The following JAM3 variants were observed in gnomAD, a reference collection of about 807,000 sequenced individuals.
JAM3 encodes the protein junctional adhesion molecule C.
JAM3 carries 31 observed loss-of-function variants against 39.4 expected under a neutral mutation model. That is an observed-to-expected ratio of 0.79 (90% CI 0.59 to 1.06). JAM3 has a LOEUF of 1.06. JAM3 is among the 50% of genes least tolerant of loss of function. The probability of loss-of-function intolerance (pLI) is 0.00; values close to 1 mark genes in which losing one functional copy is unlikely to be tolerated. For missense variants in JAM3, 455 were observed against 391.4 expected (o/e 1.16, Z -1.37); for synonymous variants, 182 against 148.7 (o/e 1.22, Z -1.63).
intron 1 of JAM3, among the ~76,000 whole-genome samples, chr11:134,105,835 A>C (rs1391890930): frequency 2.0e-5 from 3 of 152,230 alleles, no homozygotes; most frequent in Non-Finnish European, 2.9e-5. Flanking sequence ...ACCACTGCTC[A>C]ACGAAATAAA....
At position 134,145,991 on chromosome 11, in the gene JAM3, A is replaced by T; in HGVS notation, c.658A>T (p.Ile220Phe). 1 of 1,614,180 alleles carries T rather than the reference A, an allele frequency of 6.2e-7. No homozygotes were observed. The highest frequency in any genetic ancestry group is 8.5e-7 in the Non-Finnish European group (1 of 1,179,994). ...HKDDSGQYYC[I>F]ASNDAGSARC... ...GGACGACTCTGGGCAGTACTACTGC[A>T]TTGCTTCCAATGACGCAGGCTCAGC... is the stretch of plus-strand genomic sequence containing the variant. Residue 220 changes from isoleucine to phenylalanine, a missense_variant, in exon 6 of 9, where the codon ATT (isoleucine) becomes TTT (phenylalanine). By Grantham distance (21) the Ile-to-Phe change is conservative. Transcript: ENST00000299106.
At position 134,151,795 on chromosome 11, in the gene JAM3, G is replaced by GTCTCT. The variant is rs1264058614; in HGVS notation, c.*2618_*2622dup. On this transcript the variant is annotated 3_prime_UTR_variant, in exon 9 of 9. Transcript: ENST00000299106. ...TGTTATTTGCTCTTACGTTGGGTTT[G>GTCTCT]TCTCTTCTTCCTAGCATTTCAGTGG... 2 of 152,148 alleles carry GTCTCT rather than the reference G, an allele frequency of 1.3e-5. No homozygotes were observed. The highest frequency in any genetic ancestry group is 4.8e-5 in the African/African-American group (2 of 41,420). The allele number at this position is 152,148 out of a possible 1,614,324, so 9.4% of individuals were successfully genotyped here. A position where few individuals can be genotyped will look rare whatever the true frequency, so the allele number is the denominator to read the frequency against.
In JAM3 at chr11:134,150,548, C is replaced by T. The variant is rs2120413571; in HGVS notation, c.*1367C>T. The T allele has an allele frequency of 6.6e-6, 1 of 152,368 alleles. No homozygotes were observed. The highest frequency in any genetic ancestry group is 3.4e-3 in the Middle Eastern group (1 of 294). 9.4% of individuals were successfully genotyped at this position (152,368 alleles called of 1,614,324 possible). A position where few individuals can be genotyped will look rare whatever the true frequency, so the allele number is the denominator to read the frequency against. ...CTCTCAGGTGGGCACTGCAGGGACA[C>T]TGGTGTCTTCCATGTAGCGTCCCAG... On this transcript the variant is annotated 3_prime_UTR_variant, in exon 9 of 9. Coordinates refer to ENST00000299106, the MANE Select transcript of JAM3 (RefSeq NM_032801.5).
At chr11:134,117,582 C>T (rs1942461348) in intron 1 of JAM3, among the ~76,000 whole-genome samples, 1 of 152,190 alleles carries the variant, frequency 6.6e-6, no homozygotes, top group South Asian at 2.1e-4. Flanking sequence ...CCAGTTACCA[C>T]TGGAATATTT....
At chr11:134,088,481 G>A (rs1591773559) in intron 1 of JAM3, among the ~76,000 whole-genome samples, 1 of 151,858 alleles carries the variant, frequency 6.6e-6, no homozygotes, top group Admixed American at 6.6e-5. Flanking sequence ...ACCAAGTATA[G>A]AAGGTTATAT....
At chr11:134,108,861 A>G (rs1231177463) in intron 1 of JAM3, among the ~76,000 whole-genome samples, 1 of 152,218 alleles carries the variant, frequency 6.6e-6, no homozygotes, top group Non-Finnish European at 1.5e-5. Flanking sequence ...AAAATTAGGA[A>G]TAGAGGGAGT....
At chr11:134,100,656 C>T (rs1942057384) in intron 1 of JAM3, among the ~76,000 whole-genome samples, 1 of 152,168 alleles carries the variant, frequency 6.6e-6, no homozygotes, top group South Asian at 2.1e-4. Flanking sequence ...CATGTGAATG[C>T]ATTCTCTGCG....
chr11:134,113,936 A>G (rs1407193702), intron 1 of JAM3, among the ~76,000 whole-genome samples: 1 of 152,156 alleles, frequency 6.6e-6, no homozygotes, highest in Non-Finnish European at 1.5e-5. Flanking sequence ...CATTTGTCTG[A>G]TGGCCAGTGA....
rs371607095 is a variant in JAM3, at chr11:134,088,500, G to A, written c.76+19341G>A. Among the ~76,000 whole-genome samples, 419 of 151,728 alleles carry A rather than the reference G, an allele frequency of 2.8e-3. 2 individuals carry two copies. Among genetic ancestry groups the A allele is most frequent in the African/African-American group, 9.4e-3 (389 of 41,402 alleles). On this transcript the variant is annotated intron_variant, in intron 1 of 8. Transcript: ENST00000299106. ...AGTATAGAAGGTTATATTCTTTAAG[G>A]AAAAAACGGAATACAAAATCTATTT...
intron 1 of JAM3, among the ~76,000 whole-genome samples, chr11:134,078,409 C>T (rs927413776): frequency 7.2e-5 from 11 of 152,268 alleles, no homozygotes; most frequent in South Asian, 2.1e-4. Context: ...TGTGAGCCAC[C>T]GCACCTGGCC....
At chr11:134,127,647 C>T (rs1203587707) in intron 1 of JAM3, among the ~76,000 whole-genome samples, 3 of 152,212 alleles carry the variant, frequency 2.0e-5, no homozygotes, top group African/African-American at 7.2e-5. Context: ...TTGCAATGAG[C>T]TGAGATTATG....
chr11:134,139,243 T>C (rs968843881), intron 1 of JAM3, among the ~76,000 whole-genome samples: 6 of 152,248 alleles, frequency 3.9e-5, no homozygotes, highest in East Asian at 3.8e-4. Context: ...ATCAATGATA[T>C]AAACTCAGCT....
chr11:134,073,483 A>G (rs1384574400), intron 1 of JAM3, among the ~76,000 whole-genome samples: 1 of 152,158 alleles, frequency 6.6e-6, no homozygotes, highest in Non-Finnish European at 1.5e-5. Flanking sequence ...TGCCATAGTC[A>G]TGCTATCTGC....
intron 1 of JAM3, among the ~76,000 whole-genome samples, chr11:134,129,742 C>T (rs531763539): frequency 6.6e-6 from 1 of 152,134 alleles, no homozygotes; most frequent in African/African-American, 2.4e-5. Context: ...TGGCTTACGC[C>T]TGTAAGCCTA....
At chr11:134,148,446 A>T in intron 6 of JAM3, 101 bp from the exon 7 acceptor site, 1 of 1,508,526 alleles carries the variant, frequency 6.6e-7, no homozygotes, top group Non-Finnish European at 9.2e-7. Context: ...GGCAGGGGGC[A>T]AGTGGGTTTG....
chr11:134,101,026 A>G (rs1235424296), intron 1 of JAM3, among the ~76,000 whole-genome samples: 1 of 152,230 alleles, frequency 6.6e-6, no homozygotes, highest in African/African-American at 2.4e-5. Context: ...GCCAGGATAC[A>G]TGTTGCTGTG....
chr11:134,090,160 G>GT (rs1437836565), intron 1 of JAM3, among the ~76,000 whole-genome samples: 1 of 152,090 alleles, frequency 6.6e-6, no homozygotes, highest in African/African-American at 2.4e-5. Context: ...GGGGTTGTTT[G>GT]TTTTTTTCTT....
Position 134,111,133 on chromosome 11 carries a change from C to CTTTTTTTTTT in JAM3, c.77-28699_77-28690dup, listed in dbSNP as rs71038561. Among the ~76,000 whole-genome samples, 70 of 86,776 alleles carry CTTTTTTTTTT rather than the reference C, an allele frequency of 8.1e-4. 9 individuals are homozygous for CTTTTTTTTTT. The highest frequency in any genetic ancestry group is 3.7e-3 in the African/African-American group (67 of 18,144). The allele number at this position is 86,776 out of a possible 152,430, so 56.9% of individuals were successfully genotyped here. A position where few individuals can be genotyped will look rare whatever the true frequency, so the allele number is the denominator to read the frequency against. On this transcript the variant is annotated intron_variant, in intron 1 of 8. Transcript: ENST00000299106. ...TGTACCATACCCAACACACATCCATCTTTTTTTTTTTTTTTTTTTTTTTTT... is the reference window on the plus strand; with the variant it reads ...TGTACCATACCCAACACACATCCATCTTTTTTTTTTTTTTTTTTTTTTTTTTTTTTTTTTT...
chr11:134,088,531 G>A (rs71486980), intron 1 of JAM3, among the ~76,000 whole-genome samples: 3,275 of 152,112 alleles, frequency 0.022, 52 homozygotes, highest in Non-Finnish European at 0.033. Flanking sequence ...TATTTTACAT[G>A]TACATCCTTT....
Sources: gnomAD v4.1 joint callset for allele counts (sites outside exome capture counted in the v4.1 genomes callset) on GRCh38, gnomAD v4.1.1 for gene constraint, MANE v1.5 for transcripts, NCBI Gene and HGNC (gene_info 2026-07-23, HGNC 2026-07-21) for gene names.